Variants in RHOJ observed in about 807,000 individuals in gnomAD.
RHOJ encodes ras homolog family member J.
Under a neutral mutation model 23.4 loss-of-function variants are expected in RHOJ, and 11 were observed. The ratio of observed to expected loss-of-function variants is 0.47; its 90% CI spans 0.30 to 0.78. The LOEUF (loss-of-function observed/expected upper bound fraction) is 0.78. Ranked by LOEUF, RHOJ falls within the 30% of genes least tolerant of loss-of-function variation. RHOJ has a pLI of 0.08. For synonymous variants in RHOJ, 102 were observed against 102.7 expected (o/e 0.99, Z 0.04); for missense variants, 254 against 273.4 (o/e 0.93, Z 0.50).
rs565474583 is a variant in RHOJ at position 63,237,960 on chromosome 14, C to G, written c.179-31150C>G. On this transcript the variant is annotated intron_variant, in intron 1 of 4. Transcript: ENST00000316754. The stretch of plus-strand genomic sequence containing the variant: ...GGTTGTTCTCCCACCCTGCTCTGTC[C>G]TGCTGGTCCTTCAGCTGCCAAGCAT... Among the ~76,000 whole-genome samples, 19 of 152,300 alleles carry G rather than the reference C, an allele frequency of 1.2e-4. No homozygotes were observed. In the East Asian group the frequency reaches 1.5e-3, roughly 12 times the overall value.
chr14:63,208,695 C>T (rs1212570312), intron 1 of RHOJ, among the ~76,000 whole-genome samples: 1 of 152,182 alleles, frequency 6.6e-6, no homozygotes, highest in Non-Finnish European at 1.5e-5. Context: ...ACACTGAAAC[C>T]TCAGTGTTCA....
At chr14:63,243,681 A>G (rs560587088) in intron 1 of RHOJ, among the ~76,000 whole-genome samples, 6 of 152,298 alleles carry the variant, frequency 3.9e-5, no homozygotes, top group Admixed American at 6.5e-5. Context: ...AGTTAACCCC[A>G]TGACCAACAC....
At chr14:63,288,414 C>A in intron 4 of RHOJ, 1 of 834,902 alleles carries the variant, frequency 1.2e-6, no homozygotes, top group Non-Finnish European at 1.4e-6. Context: ...TAGAAAGGTG[C>A]TACAGCAGTT....
rs1021440791 is a variant in RHOJ, at chr14:63,223,675, A to G, written c.178+18628A>G. Among the ~76,000 whole-genome samples, 3 of 152,162 alleles carry G rather than the reference A, an allele frequency of 2.0e-5. No individual in the cohort carries two copies. The South Asian group carries it at 6.2e-4, about 32-fold the overall frequency. On this transcript the variant is annotated intron_variant, in intron 1 of 4. Transcript: ENST00000316754. ...CAGAGAAAACCAGAGACAGAGATAC[A>G]AAGAGTTCATCTCTCTTGGTGGTAC...
chr14:63,283,102 A>C lies in RHOJ; in HGVS notation c.403-19A>C. On this transcript the variant is annotated intron_variant, in intron 3 of 4. Coordinates refer to ENST00000316754, the MANE Select transcript of RHOJ (RefSeq NM_020663.5). ...GGCCTGAGAAAACAAATAAGTTTTC[A>C]CGTGTGTTTTCTTGCCAGATTGATC... 2 of 1,585,400 alleles carry C rather than the reference A, an allele frequency of 1.3e-6. No individual in the cohort carries two copies. The highest frequency in any genetic ancestry group is 1.7e-6 in the Non-Finnish European group (2 of 1,154,002).
intron 1 of RHOJ, among the ~76,000 whole-genome samples, chr14:63,214,341 T>C (rs1276875469): frequency 6.6e-6 from 1 of 152,230 alleles, no homozygotes; most frequent in Non-Finnish European, 1.5e-5. Context: ...CAAATGTATA[T>C]AGTTTCAGCT....
chr14:63,257,612 G>A (rs1186082299), intron 1 of RHOJ, among the ~76,000 whole-genome samples: 1 of 149,950 alleles, frequency 6.7e-6, no homozygotes, highest in East Asian at 2.1e-4. Flanking sequence ...TCAGGTTACA[G>A]TAGCCCACGG....
In RHOJ at chr14:63,204,841, A is replaced by G. The variant is rs765315606; in HGVS notation, c.-29A>G. The G allele has an allele frequency of 1.3e-6, 2 of 1,591,466 alleles. No homozygotes were observed. Among genetic ancestry groups the G allele is most frequent in the Non-Finnish European group, 8.6e-7 (1 of 1,167,328 alleles). On this transcript the variant is annotated 5_prime_UTR_variant, in exon 1 of 5. Transcript: ENST00000316754. ...AAAAAGCAGGAGAAGCAATAGCAGCAGGAGTCCCCAGCAGCTGGAGCCGCA... is the reference window on the plus strand; with the variant it reads ...AAAAAGCAGGAGAAGCAATAGCAGCGGGAGTCCCCAGCAGCTGGAGCCGCA...
intron 1 of RHOJ, among the ~76,000 whole-genome samples, chr14:63,247,111 G>A (rs1290159395): frequency 2.0e-5 from 3 of 152,190 alleles, no homozygotes; most frequent in African/African-American, 7.2e-5. Context: ...AAGGAATCTT[G>A]GCCTTGATCT....
intron 1 of RHOJ, among the ~76,000 whole-genome samples, chr14:63,248,565 T>C (rs1895015864): frequency 6.6e-6 from 1 of 152,250 alleles, no homozygotes; most frequent in South Asian, 2.1e-4. Flanking sequence ...AATTTGGCCC[T>C]TAATAGAATG....
In RHOJ at chr14:63,227,707, C is replaced by T. The variant is rs78405257; in HGVS notation, c.178+22660C>T. ...ACATAGAAAATGCAAAGGGGACTTT[C>T]GCAGAAGAAAAACAAACTATTCAAC... On this transcript the variant is annotated intron_variant, in intron 1 of 4. Coordinates refer to ENST00000316754, the MANE Select transcript of RHOJ (RefSeq NM_020663.5). Among the ~76,000 whole-genome samples the T allele has an allele frequency of 4.9e-4, 74 of 152,258 alleles. No individual in the cohort carries two copies. In the East Asian group the frequency reaches 0.013, roughly 27 times the overall value.
At chr14:63,268,716 A>G (rs941860776) in intron 1 of RHOJ, among the ~76,000 whole-genome samples, 3 of 152,196 alleles carry the variant, frequency 2.0e-5, no homozygotes, top group African/African-American at 7.2e-5. Context: ...CAAGCTACTT[A>G]CACAATTCTG....
At chr14:63,224,449 G>A (rs200117376) in intron 1 of RHOJ, among the ~76,000 whole-genome samples, 1 of 152,116 alleles carries the variant, frequency 6.6e-6, no homozygotes, top group Non-Finnish European at 1.5e-5. Context: ...AGCAGCAGTT[G>A]GGGGGAGGGG....
At chr14:63,247,018 T>C (rs1164149392) in intron 1 of RHOJ, among the ~76,000 whole-genome samples, 9 of 152,266 alleles carry the variant, frequency 5.9e-5, no homozygotes, top group African/African-American at 2.2e-4. Context: ...TTTTACAGAT[T>C]TTGAGACAGA....
At chr14:63,248,098 G>A (rs904600209) in intron 1 of RHOJ, among the ~76,000 whole-genome samples, 2 of 152,042 alleles carry the variant, frequency 1.3e-5, no homozygotes, top group African/African-American at 4.8e-5. Context: ...ATGAGATTTG[G>A]GTGGGGACAC....
At chr14:63,289,914 G>T (rs1167505467) in intron 4 of RHOJ, among the ~76,000 whole-genome samples, 2 of 148,410 alleles carry the variant, frequency 1.3e-5, no homozygotes, top group East Asian at 2.0e-4. Flanking sequence ...GTTTTAGTGG[G>T]TTTTTTTTTT....
rs572150682 is a variant in RHOJ, at chr14:63,293,290, A to C, written c.*2266A>C. 1 of 152,284 alleles carries C rather than the reference A, an allele frequency of 6.6e-6. No individual in the cohort carries two copies. The highest frequency in any genetic ancestry group is 6.5e-5 in the Admixed American group (1 of 15,304). 9.4% of individuals were successfully genotyped at this position (152,284 alleles called of 1,614,324 possible). Reference sequence around the variant, plus strand: ...CATTTCTCACTGATGTGGATGAAAAAATGAGAGCAGTATGTTTCCAGGTGT... The same window carrying C: ...CATTTCTCACTGATGTGGATGAAAACATGAGAGCAGTATGTTTCCAGGTGT... On this transcript the variant is annotated 3_prime_UTR_variant, in exon 5 of 5. Transcript: ENST00000316754.
intron 1 of RHOJ, among the ~76,000 whole-genome samples, chr14:63,256,812 G>A (rs908614541): frequency 7.9e-5 from 12 of 152,100 alleles, no homozygotes; most frequent in Admixed American, 5.2e-4. Context: ...GGTGGCTCAC[G>A]CCTGTAGTCC....
chr14:63,252,806 T>C (rs1895095227), intron 1 of RHOJ, among the ~76,000 whole-genome samples: 1 of 151,994 alleles, frequency 6.6e-6, no homozygotes, highest in Non-Finnish European at 1.5e-5. Context: ...AGAGATGGGG[T>C]ATCATTATGT....
Sources: allele counts gnomAD v4.1 joint callset (sites outside exome capture counted in the v4.1 genomes callset), GRCh38; gene constraint gnomAD v4.1.1; transcripts MANE v1.5; gene names NCBI Gene and HGNC (gene_info 2026-07-23, HGNC 2026-07-21).